The following DOP1B variants were observed in gnomAD, a reference collection of about 807,000 sequenced individuals.
DOP1B encodes the protein DOP1 leucine zipper like protein B.
DOP1B carries 174 observed loss-of-function variants against 233.5 expected under a neutral mutation model. That is an observed-to-expected ratio of 0.75 (90% CI 0.66 to 0.85). The LOEUF (loss-of-function observed/expected upper bound fraction) is 0.85. DOP1B is among the 40% of genes least tolerant of loss of function. The pLI is 0.00. For missense variants in DOP1B, 2,652 were observed against 2,846.6 expected, an observed-to-expected ratio of 0.93 and a Z score of 1.56; for synonymous variants, 1,190 against 1,185.6, an observed-to-expected ratio of 1.00 and a Z score of -0.08.
At chr21:36,211,716 A>G in intron 6 of DOP1B, 65 bp downstream of exon 6, 1 of 1,538,452 alleles carries the variant, frequency 6.5e-7, no homozygotes, top group Non-Finnish European at 9.0e-7. Context: ...ATAGATCTCA[A>G]GCAGTTCTGT....
At chr21:36,286,856 C>A (rs1032493203) in intron 32 of DOP1B, among the ~76,000 whole-genome samples, 5 of 151,732 alleles carry the variant, frequency 3.3e-5, no homozygotes, top group Admixed American at 6.6e-5. Flanking sequence ...CCCAACTACT[C>A]TGGAGGCTGA....
chr21:36,206,796 G>A (rs899347965), intron 4 of DOP1B, among the ~76,000 whole-genome samples: 1 of 152,204 alleles, frequency 6.6e-6, no homozygotes, highest in African/African-American at 2.4e-5. Context: ...TGTTTACTCA[G>A]CCTTTAATAG....
chr21:36,184,208 C>G (rs1253891374), intron 2 of DOP1B, among the ~76,000 whole-genome samples: 1 of 152,064 alleles, frequency 6.6e-6, no homozygotes, highest in Non-Finnish European at 1.5e-5. Flanking sequence ...ACCACCACAC[C>G]TGGCTAATTT....
At chr21:36,164,669 AT>A in intron 1 of DOP1B, 38 bp from the exon 2 acceptor site, 2 of 1,473,318 alleles carry the variant, frequency 1.4e-6, no homozygotes, top group Non-Finnish European at 1.8e-6. Context: ...GTATCCCCAA[AT>A]GGCTCTCTCA....
rs71326667 is a variant in DOP1B, at chr21:36,284,265, C to CTTTTTTTTTTTT, written c.6160+2666_6160+2677dup. ...GTGGCCAACCACCTGTTCCTTCTTT[C>CTTTTTTTTTTTT]TTTTTTTTTTTTTTTTTTTTTTTGA... On this transcript the variant is annotated intron_variant, in intron 32 of 36. Coordinates refer to ENST00000691173, the MANE Select transcript of DOP1B (RefSeq NM_001320714.2). Among the ~76,000 whole-genome samples, 54 of 75,876 alleles carry CTTTTTTTTTTTT rather than the reference C, an allele frequency of 7.1e-4. 2 individuals are homozygous for CTTTTTTTTTTTT. Among genetic ancestry groups the CTTTTTTTTTTTT allele is most frequent in the Non-Finnish European group, 8.1e-4 (34 of 42,054 alleles). The allele number at this position is 75,876 out of a possible 152,430, so 49.8% of individuals were successfully genotyped here.
rs532227422 is a variant in DOP1B at position 36,164,361 on chromosome 21, G to T, written c.-26-347G>T. On this transcript the variant is annotated intron_variant, in intron 1 of 36. Coordinates refer to ENST00000691173, the MANE Select transcript of DOP1B (RefSeq NM_001320714.2). ...AAAGTTTAGAAATGCCATATGATGG[G>T]AGGGGCTGTGCTCATTTAAAATTAC... Among the ~76,000 whole-genome samples the T allele has an allele frequency of 2.0e-5, 3 of 152,262 alleles. No individual in the cohort carries two copies. The South Asian group carries it at 6.2e-4, about 32-fold the overall frequency.
intron 9 of DOP1B, among the ~76,000 whole-genome samples, chr21:36,218,895 A>G (rs1360816115): frequency 6.6e-6 from 1 of 152,184 alleles, no homozygotes; most frequent in Non-Finnish European, 1.5e-5. Flanking sequence ...GCTCCAGCTC[A>G]TGACTAAAGG....
chr21:36,267,715 G>C (rs200772855), intron 26 of DOP1B, among the ~76,000 whole-genome samples: 1 of 137,258 alleles, frequency 7.3e-6, no homozygotes. Flanking sequence ...TCTATTTTCC[G>C]TAAGTGTCGG....
chr21:36,177,790 GC>G (rs2066049422), intron 2 of DOP1B, among the ~76,000 whole-genome samples: 1 of 152,152 alleles, frequency 6.6e-6, no homozygotes, highest in Admixed American at 6.5e-5. Flanking sequence ...CAGCAAGAAG[GC>G]CCTCACCAGA....
intron 18 of DOP1B, among the ~76,000 whole-genome samples, chr21:36,244,283 A>G (rs972655173): frequency 1.3e-5 from 2 of 151,770 alleles, no homozygotes; most frequent in African/African-American, 4.8e-5. Flanking sequence ...AGGCCTCCCA[A>G]AGTGCTGGGA....
chr21:36,183,361 G>A (rs2066123816), intron 2 of DOP1B, among the ~76,000 whole-genome samples: 1 of 152,194 alleles, frequency 6.6e-6, no homozygotes, highest in Admixed American at 6.5e-5. Flanking sequence ...TTGGTTTTGT[G>A]AGGCAATACA....
chr21:36,211,832 G>A (rs893918408), intron 6 of DOP1B, 142 bp from the exon 7 acceptor site: 3 of 1,365,074 alleles, frequency 2.2e-6, no homozygotes, highest in East Asian at 4.6e-5. Context: ...GTATTGAATA[G>A]CTTCTTTCCA....
chr21:36,208,294 C>T (rs1230222548), intron 4 of DOP1B, among the ~76,000 whole-genome samples: 1 of 152,234 alleles, frequency 6.6e-6, no homozygotes, highest in Non-Finnish European at 1.5e-5. Flanking sequence ...TCAGTCTCCT[C>T]AGCATATGCT....
intron 2 of DOP1B, among the ~76,000 whole-genome samples, chr21:36,166,608 G>A (rs931273921): frequency 6.6e-6 from 1 of 152,164 alleles, no homozygotes; most frequent in African/African-American, 2.4e-5. Flanking sequence ...ACTACAACAT[G>A]TAGGTAGATG....
At chr21:36,197,055 C>T (rs912832395) in intron 2 of DOP1B, among the ~76,000 whole-genome samples, 5 of 151,904 alleles carry the variant, frequency 3.3e-5, no homozygotes, top group Admixed American at 3.3e-4. Flanking sequence ...GCCTTAGCCT[C>T]CTGAGTAGCT....
chr21:36,197,585 G>T (rs1040127612), intron 2 of DOP1B, among the ~76,000 whole-genome samples: 1 of 152,240 alleles, frequency 6.6e-6, no homozygotes, highest in South Asian at 2.1e-4. Flanking sequence ...GGGAAGGCCT[G>T]TTCTGCCTCC....
At position 36,251,615 on chromosome 21, in the gene DOP1B, TTCGCCATG is replaced by T. The variant is rs1330503397; in HGVS notation, c.5121+333_5121+340del. Among the ~76,000 whole-genome samples the T allele has an allele frequency of 3.9e-5, 6 of 152,258 alleles. No individual in the cohort carries two copies. In the East Asian group the frequency reaches 1.2e-3, roughly 29 times the overall value. On this transcript the variant is annotated intron_variant, in intron 22 of 36. Transcript: ENST00000691173. ...TTGTATTTTTTAGTAGAGACAGGGT[TTCGCCATG>T]TTGGCCAGGCTGGTCTTGAACTCCT...
intron 24 of DOP1B, among the ~76,000 whole-genome samples, chr21:36,263,009 T>C (rs9974965): frequency 0.64 from 96,795 of 151,256 alleles, 32,095 homozygotes; most frequent in African/African-American, 0.83. Context: ...CCGAGGCGGG[T>C]GGATCACCTG....
At position 36,293,364 on chromosome 21, in the gene DOP1B, G is replaced by A. The variant is rs777787261; in HGVS notation, c.6690G>A (p.Pro2230=). The change falls in exon 37 of 37, where the codon CCG becomes CCA. Residue 2230 remains proline (P), a synonymous_variant. Coordinates refer to ENST00000691173, the MANE Select transcript of DOP1B (RefSeq NM_001320714.2). ...SDEITMKSEF[P]LLRQHSVSSI... The stretch of plus-strand genomic sequence containing the variant: ...AGATCACCATGAAGAGTGAATTCCC[G>A]CTTCTGCGCCAACATTCTGTTTCCA... 24 of 1,613,952 alleles carry A rather than the reference G, an allele frequency of 1.5e-5. No individual in the cohort carries two copies. Among genetic ancestry groups the A allele is most frequent in the South Asian group, 1.4e-4 (13 of 91,090 alleles).
Sources: gnomAD v4.1 joint callset for allele counts (sites outside exome capture counted in the v4.1 genomes callset) on GRCh38, gnomAD v4.1.1 for gene constraint, MANE v1.5 for transcripts, NCBI Gene and HGNC (gene_info 2026-07-23, HGNC 2026-07-21) for gene names.